The following RAD51B variants were observed in gnomAD, a reference collection of about 807,000 sequenced individuals.
RAD51B encodes RAD51 paralog B.
RAD51B carries 38 observed loss-of-function variants against 42.2 expected under a neutral mutation model. That is an observed-to-expected ratio of 0.90 (90% CI 0.70 to 1.18). The LOEUF is 1.18. Ranked by LOEUF, RAD51B falls within the 50% of genes most tolerant of loss-of-function variation. The probability of loss-of-function intolerance (pLI) is 0.00; values close to 1 mark genes in which losing one functional copy is unlikely to be tolerated. For missense variants in RAD51B, 373 were observed against 400.7 expected (o/e 0.93, Z 0.59); for synonymous variants, 154 against 145.2 (o/e 1.06, Z -0.43).
chr14:68,292,125 A>G, intron 8 of RAD51B, 145 bp downstream of exon 8: 1 of 687,888 alleles, frequency 1.5e-6, no homozygotes, highest in Non-Finnish European at 2.5e-6. Context: ...AGGTTTGGCC[A>G]CCTTTCCTGG....
At chr14:68,127,604 A>AAC (rs1158570155) in intron 7 of RAD51B, among the ~76,000 whole-genome samples, 23,119 of 133,256 alleles carry the variant, frequency 0.17, 2,314 homozygotes, top group East Asian at 0.28. Context: ...TGTACATTGT[A>AAC]ACACACACAC....
At chr14:68,312,748 T>G (rs2081987323) in intron 8 of RAD51B, among the ~76,000 whole-genome samples, 2 of 152,234 alleles carry the variant, frequency 1.3e-5, no homozygotes, top group Non-Finnish European at 1.5e-5. Flanking sequence ...GTTATAGCCT[T>G]TCTATTTGAG....
chr14:68,654,561 C>A (rs1017083315), intron 11 of RAD51B, among the ~76,000 whole-genome samples: 12 of 152,312 alleles, frequency 7.9e-5, no homozygotes, highest in African/African-American at 2.9e-4. Context: ...GAACTCCCCG[C>A]CCCATCTCCC....
intron 1 of RAD51B, chr14:67,822,142 C>G (rs2040650701): frequency 6.6e-6 from 1 of 152,132 alleles, no homozygotes; most frequent in African/African-American, 2.4e-5. Context: ...TACTTCTTTT[C>G]TGATAACTAT....
At position 68,166,777 on chromosome 14, in the gene RAD51B, G is replaced by A. The variant is rs182600932; in HGVS notation, c.757-125107G>A. Among the ~76,000 whole-genome samples the A allele has an allele frequency of 3.4e-3, 510 of 152,176 alleles. 2 individuals carry two copies. The highest frequency in any genetic ancestry group is 4.7e-3 in the Non-Finnish European group (320 of 67,978). ...GTCAACTTCTTTACCTGGATGCCCT[G>A]TAATGATTTGTAGCACAACATACAT... On this transcript the variant is annotated intron_variant, in intron 7 of 10. Transcript: ENST00000471583.
Position 68,142,798 on chromosome 14 carries a change from T to C in RAD51B, c.757-149086T>C, listed in dbSNP as rs117759117. 2.0e-5 allele frequency among the ~76,000 whole-genome samples: 3 copies of C among 152,262 alleles called. No homozygotes were observed. The East Asian group carries it at 5.8e-4, about 29-fold the overall frequency. On this transcript the variant is annotated intron_variant, in intron 7 of 10. Coordinates refer to ENST00000471583, the MANE Select transcript of RAD51B (RefSeq NM_133510.4). ...TGAGTGCTGTTCTGTGCCTCCACAT[T>C]TGTTTCTCTTTTTGGAGACCACACA...
At position 68,008,811 on chromosome 14, in the gene RAD51B, G is replaced by A. The variant is rs201707431; in HGVS notation, c.756+121607G>A. Among the ~76,000 whole-genome samples the A allele has an allele frequency of 9.2e-5, 14 of 152,064 alleles. No homozygotes were observed. In the East Asian group the frequency reaches 1.9e-3, roughly 21 times the overall value. ...AAATAGTGTCAATGAGTCCTGATAC[G>A]TATTGCTAACTTGTCACTAGTTCAC... On this transcript the variant is annotated intron_variant, in intron 7 of 10. Coordinates refer to ENST00000471583, the MANE Select transcript of RAD51B (RefSeq NM_133510.4).
chr14:68,196,957 G>A (rs1420236981), intron 7 of RAD51B, among the ~76,000 whole-genome samples: 3 of 152,150 alleles, frequency 2.0e-5, no homozygotes, highest in African/African-American at 7.2e-5. Flanking sequence ...TCTTAGAAAG[G>A]GTATTAGAAT....
chr14:68,441,351 G>C (rs2085281126), intron 9 of RAD51B, among the ~76,000 whole-genome samples: 3 of 148,020 alleles, frequency 2.0e-5, no homozygotes, highest in Non-Finnish European at 4.5e-5. Context: ...GACCATCCTG[G>C]CTAACACGGT....
intron 10 of RAD51B, among the ~76,000 whole-genome samples, chr14:68,590,368 A>C (rs1421466343): frequency 7.6e-6 from 1 of 130,762 alleles, no homozygotes; most frequent in Non-Finnish European, 1.7e-5. Context: ...AGCAGGCTTG[A>C]AACCAGTCTG....
intron 7 of RAD51B, among the ~76,000 whole-genome samples, chr14:67,962,758 A>AT (rs2074696281): frequency 6.6e-6 from 1 of 152,334 alleles, no homozygotes; most frequent in South Asian, 2.1e-4. Flanking sequence ...GTGATATTAA[A>AT]TACCTTCATA....
At chr14:68,555,328 TG>T (rs1888783867) in intron 10 of RAD51B, among the ~76,000 whole-genome samples, 1 of 152,176 alleles carries the variant, frequency 6.6e-6, no homozygotes. Flanking sequence ...ATCCAGTCCA[TG>T]AAGCTGATAT....
chr14:68,426,962 A>G (rs4902583), intron 9 of RAD51B, among the ~76,000 whole-genome samples: 45,212 of 152,014 alleles, frequency 0.3, 7,341 homozygotes, highest in South Asian at 0.5. Flanking sequence ...ATCCCAGAGG[A>G]GCATTTCTCT....
At chr14:68,606,783 A>G (rs1347649780) in intron 10 of RAD51B, among the ~76,000 whole-genome samples, 1 of 152,168 alleles carries the variant, frequency 6.6e-6, no homozygotes, top group African/African-American at 2.4e-5. Flanking sequence ...TCGGAACTGT[A>G]CCTCAGGACC....
At chr14:67,934,835 C>T (rs1243740475) in intron 7 of RAD51B, among the ~76,000 whole-genome samples, 4 of 152,116 alleles carry the variant, frequency 2.6e-5, no homozygotes, top group Admixed American at 6.5e-5. Flanking sequence ...ATACGTTGAA[C>T]GAATGGTAGG....
At chr14:68,095,662 G>A (rs11847339) in intron 7 of RAD51B, among the ~76,000 whole-genome samples, 17,699 of 151,856 alleles carry the variant, frequency 0.12, 3,176 homozygotes, top group African/African-American at 0.38. Context: ...CCTAATTACA[G>A]CCTGCATATT....
chr14:68,338,706 CA>C (rs2082509394), intron 8 of RAD51B: 2 of 273,668 alleles, frequency 7.3e-6, no homozygotes, highest in African/African-American at 2.2e-5. Context: ...TTTTTATGGA[CA>C]GAAAACTCAA....
intron 9 of RAD51B, among the ~76,000 whole-genome samples, chr14:68,463,469 A>G (rs1397757432): frequency 1.3e-5 from 2 of 152,198 alleles, no homozygotes; most frequent in Non-Finnish European, 2.9e-5. Context: ...AGTGAAAGCA[A>G]TATACATCTT....
At chr14:67,824,626 TTAAAGA>T (rs1277556400) in intron 2 of RAD51B, among the ~76,000 whole-genome samples, 1 of 152,204 alleles carries the variant, frequency 6.6e-6, no homozygotes, top group African/African-American at 2.4e-5. Context: ...GCTTTCTGTG[TTAAAGA>T]TAACATCGGT....
Sources: allele counts gnomAD v4.1 joint callset (sites outside exome capture counted in the v4.1 genomes callset), GRCh38; gene constraint gnomAD v4.1.1; transcripts MANE v1.5; gene names NCBI Gene and HGNC (gene_info 2026-07-23, HGNC 2026-07-21).